DOCK5: variants seen among roughly 807,000 people sequenced by gnomAD.
The protein encoded by DOCK5 is dedicator of cytokinesis 5.
Under a neutral mutation model 251.8 loss-of-function variants are expected in DOCK5, and 142 were observed. The observed-to-expected ratio is 0.56, with a 90% confidence interval of 0.49 to 0.65. The LOEUF (loss-of-function observed/expected upper bound fraction) is 0.65. Ranked by LOEUF, DOCK5 falls within the 30% of genes least tolerant of loss-of-function variation. The probability of loss-of-function intolerance (pLI) is 0.00; values close to 1 mark genes in which losing one functional copy is unlikely to be tolerated. For synonymous variants in DOCK5, 842 were observed against 835.5 expected (o/e 1.01, Z -0.13); for missense variants, 2,111 against 2,312.3 (o/e 0.91, Z 1.79).
chr8:25,207,046 TC>T (rs1802017874), intron 1 of DOCK5, among the ~76,000 whole-genome samples: 1 of 152,198 alleles, frequency 6.6e-6, no homozygotes, highest in African/African-American at 2.4e-5. Context: ...GAGTCTCTGT[TC>T]CTTGCAATAC....
intron 44 of DOCK5, 103 bp from the exon 45 acceptor site, chr8:25,395,440 C>T: frequency 7.9e-7 from 1 of 1,268,042 alleles, no homozygotes; most frequent in Non-Finnish European, 1.1e-6. Flanking sequence ...TTTTCTATAG[C>T]TTGTGGGCAT....
intron 1 of DOCK5, among the ~76,000 whole-genome samples, chr8:25,239,003 G>A (rs1252126573): frequency 1.3e-5 from 2 of 152,188 alleles, no homozygotes; most frequent in African/African-American, 2.4e-5. Context: ...AGGGAAAATT[G>A]TTGTGGAATG....
intron 2 of DOCK5, among the ~76,000 whole-genome samples, chr8:25,246,418 C>T (rs1213300931): frequency 2.0e-5 from 3 of 152,116 alleles, no homozygotes; most frequent in Admixed American, 6.5e-5. Context: ...GGATTACAGA[C>T]ACCCGCCGCC....
At chr8:25,315,684 A>G (rs1805227828) in intron 13 of DOCK5, among the ~76,000 whole-genome samples, 1 of 152,270 alleles carries the variant, frequency 6.6e-6, no homozygotes, top group South Asian at 2.1e-4. Flanking sequence ...CATTTTTAAT[A>G]CTTTGAGACA....
chr8:25,198,157 C>T (rs1563304649), intron 1 of DOCK5, among the ~76,000 whole-genome samples: 1 of 152,202 alleles, frequency 6.6e-6, no homozygotes, highest in East Asian at 1.9e-4. Flanking sequence ...ATGCACCCTC[C>T]TGATGGGTTT....
chr8:25,202,337 C>T (rs945280411), intron 1 of DOCK5, among the ~76,000 whole-genome samples: 3 of 152,122 alleles, frequency 2.0e-5, no homozygotes, highest in Non-Finnish European at 4.4e-5. Flanking sequence ...ATTTGAATTC[C>T]CAGGGATCTC....
At chr8:25,361,447 TA>T (rs1432610399) in intron 28 of DOCK5, among the ~76,000 whole-genome samples, 3 of 151,902 alleles carry the variant, frequency 2.0e-5, no homozygotes, top group African/African-American at 7.3e-5. Flanking sequence ...CCATCTCTAC[TA>T]AAAATACAAA....
At chr8:25,295,792 A>AG (rs1305444518) in intron 6 of DOCK5, among the ~76,000 whole-genome samples, 1 of 151,914 alleles carries the variant, frequency 6.6e-6, no homozygotes. Flanking sequence ...TGTGAAGTGT[A>AG]TATAGGAGGT....
intron 45 of DOCK5, among the ~76,000 whole-genome samples, chr8:25,398,928 C>G (rs1191562046): frequency 6.6e-6 from 1 of 152,170 alleles, no homozygotes; most frequent in African/African-American, 2.4e-5. Flanking sequence ...AGGCTTTGCA[C>G]ATACTTTGTT....
chr8:25,234,613 T>C (rs539058363), intron 1 of DOCK5, among the ~76,000 whole-genome samples: 12 of 152,340 alleles, frequency 7.9e-5, no homozygotes, highest in Non-Finnish European at 1.3e-4. Context: ...TTTGATATTA[T>C]ATACAGCCTG....
intron 1 of DOCK5, among the ~76,000 whole-genome samples, chr8:25,198,275 T>C (rs1245499272): frequency 3.9e-5 from 6 of 152,130 alleles, no homozygotes; most frequent in Admixed American, 3.3e-4. Flanking sequence ...AGACCAGTTA[T>C]AAGACGAAGT....
intron 1 of DOCK5, among the ~76,000 whole-genome samples, chr8:25,186,496 C>G (rs975726732): frequency 3.3e-5 from 5 of 152,172 alleles, no homozygotes; most frequent in African/African-American, 1.2e-4. Flanking sequence ...GTCTCAGCCC[C>G]CCTCCCCGAG....
In DOCK5 at chr8:25,368,194, A is replaced by G. The variant is rs1800812219; in HGVS notation, c.3227A>G (p.Tyr1076Cys). 1.9e-6 allele frequency: 3 copies of G among 1,611,634 alleles called. No individual in the cohort carries two copies. The highest frequency in any genetic ancestry group is 4.5e-5 in the East Asian group (2 of 44,850). Residue 1076 changes from tyrosine to cysteine, a missense_variant and splice_region_variant, in exon 32 of 52, where the codon TAT (tyrosine) becomes TGT (cysteine). By Grantham distance (194) the Tyr-to-Cys change is radical. Transcript: ENST00000276440. ...CTAGTTTATGATCTTCTTCCTAGAT[A>G]TGGGGACATGAGAAAGGAAATCGGC... ...QAKRNKIVKKYGDMRKEIGFR... is the reference protein window; with the variant it reads ...QAKRNKIVKKCGDMRKEIGFR...
At chr8:25,296,737 A>G (rs1804625319) in intron 7 of DOCK5, 89 bp downstream of exon 7, 3 of 1,520,398 alleles carry the variant, frequency 2.0e-6, no homozygotes. Flanking sequence ...ATTGAGAACA[A>G]AACTACTTCT....
chr8:25,301,114 G>A (rs1303919149), intron 9 of DOCK5, among the ~76,000 whole-genome samples: 1 of 152,218 alleles, frequency 6.6e-6, no homozygotes, highest in Non-Finnish European at 1.5e-5. Context: ...CCAAAGAGAA[G>A]CGTGCTCCCT....
intron 3 of DOCK5, among the ~76,000 whole-genome samples, chr8:25,273,040 G>A (rs1376211346): frequency 6.6e-6 from 1 of 151,776 alleles, no homozygotes; most frequent in African/African-American, 2.4e-5. Flanking sequence ...GTTCCCCACA[G>A]AGATGATAGT....
intron 1 of DOCK5, among the ~76,000 whole-genome samples, chr8:25,208,036 G>T (rs1300922197): frequency 6.6e-6 from 1 of 152,186 alleles, no homozygotes; most frequent in Admixed American, 6.5e-5. Context: ...TCTCATGGAT[G>T]ACTTTGAGGG....
intron 1 of DOCK5, among the ~76,000 whole-genome samples, chr8:25,240,506 C>T (rs1488050377): frequency 6.6e-6 from 1 of 152,108 alleles, no homozygotes; most frequent in Non-Finnish European, 1.5e-5. Flanking sequence ...TCCTATATTG[C>T]CTTTGATAGA....
intron 1 of DOCK5, among the ~76,000 whole-genome samples, chr8:25,186,189 A>T (rs1479206111): frequency 1.3e-5 from 2 of 151,928 alleles, no homozygotes; most frequent in African/African-American, 4.8e-5. Context: ...TATTTACTAT[A>T]TTATTCTTAG....
Sources: allele counts gnomAD v4.1 joint callset (sites outside exome capture counted in the v4.1 genomes callset), GRCh38; gene constraint gnomAD v4.1.1; transcripts MANE v1.5; gene names NCBI Gene and HGNC (gene_info 2026-07-23, HGNC 2026-07-21).